ITPR2: variants seen among roughly 807,000 people sequenced by gnomAD.
The protein encoded by ITPR2 is inositol 1,4,5-trisphosphate receptor type 2.
ITPR2 carries 207 observed loss-of-function variants against 317.1 expected under a neutral mutation model. The observed-to-expected ratio is 0.65, with a 90% CI of 0.58 to 0.73. The LOEUF (loss-of-function observed/expected upper bound fraction) is 0.73, where lower values mean the gene tolerates loss of function less well. Ranked by LOEUF, ITPR2 falls within the 30% of genes least tolerant of loss-of-function variation. ITPR2 has a pLI of 0.00. For missense variants in ITPR2, 2,613 were observed against 3,284.0 expected (o/e 0.80, Z 4.99); for synonymous variants, 1,156 against 1,149.1 (o/e 1.01, Z -0.12).
intron 55 of ITPR2, among the ~76,000 whole-genome samples, chr12:26,368,818 G>C (rs1939096398): frequency 6.6e-6 from 1 of 152,170 alleles, no homozygotes; most frequent in South Asian, 2.1e-4. Flanking sequence ...CAAAGTTGTT[G>C]CCCTAATGCA....
At chr12:26,508,711 A>C (rs370027488) in intron 37 of ITPR2, among the ~76,000 whole-genome samples, 1 of 152,332 alleles carries the variant, frequency 6.6e-6, no homozygotes, top group East Asian at 1.9e-4. Context: ...GGCTAAAATA[A>C]GTGATCTGGG....
intron 26 of ITPR2, among the ~76,000 whole-genome samples, chr12:26,620,703 T>C (rs1946472307): frequency 1.3e-5 from 2 of 152,230 alleles, no homozygotes; most frequent in Admixed American, 6.5e-5. Context: ...TAGATACTTT[T>C]ATATATTATA....
chr12:26,408,052 G>A (rs185823513), intron 52 of ITPR2, among the ~76,000 whole-genome samples: 78 of 152,220 alleles, frequency 5.1e-4, no homozygotes, highest in Non-Finnish European at 9.7e-4. Flanking sequence ...AGGTCTCTCT[G>A]TCTAATCTCC....
At chr12:26,424,246 G>T (rs139879357) in intron 49 of ITPR2, among the ~76,000 whole-genome samples, 4 of 152,260 alleles carry the variant, frequency 2.6e-5, no homozygotes, top group East Asian at 1.9e-4. Flanking sequence ...GACAGATCAG[G>T]CTTTAGTATC....
chr12:26,811,395 G>A (rs1440487510), intron 1 of ITPR2, among the ~76,000 whole-genome samples: 1 of 151,822 alleles, frequency 6.6e-6, no homozygotes, highest in East Asian at 1.9e-4. Flanking sequence ...CGGATCACGA[G>A]GTCAGGAGAT....
intron 32 of ITPR2, among the ~76,000 whole-genome samples, chr12:26,586,184 G>T (rs558278860): frequency 6.6e-6 from 1 of 152,066 alleles, no homozygotes; most frequent in East Asian, 1.9e-4. Context: ...TTGCTCTGTT[G>T]CCCAGGCTGG....
chr12:26,340,136 C>T (rs961083456), intron 56 of ITPR2, 31 bp downstream of exon 56: 2 of 1,555,200 alleles, frequency 1.3e-6, no homozygotes, highest in Non-Finnish European at 1.7e-6. Context: ...GACTTTATCC[C>T]ACCCAGCCCC....
chr12:26,386,249 C>G (rs1419497712), intron 55 of ITPR2, among the ~76,000 whole-genome samples: 2 of 151,994 alleles, frequency 1.3e-5, no homozygotes, highest in Non-Finnish European at 2.9e-5. Flanking sequence ...GAGGAGGAGG[C>G]AGAAAGGCAA....
chr12:26,527,367 T>G (rs111948469), intron 37 of ITPR2, among the ~76,000 whole-genome samples: 1 of 152,210 alleles, frequency 6.6e-6, no homozygotes, highest in Non-Finnish European at 1.5e-5. Flanking sequence ...TTGATGATGA[T>G]AGAATGCCTA....
chr12:26,422,174 GT>G (rs1338790848), intron 49 of ITPR2, among the ~76,000 whole-genome samples: 1 of 148,596 alleles, frequency 6.7e-6, no homozygotes, highest in Non-Finnish European at 1.5e-5. Flanking sequence ...TAATTTATTA[GT>G]TAATAATTTA....
chr12:26,528,112 T>C (rs1943854717), intron 37 of ITPR2, among the ~76,000 whole-genome samples: 1 of 152,162 alleles, frequency 6.6e-6, no homozygotes, highest in African/African-American at 2.4e-5. Flanking sequence ...GGTTTGCCGT[T>C]AGGTTGGGGG....
At chr12:26,759,747 A>T (rs993571197) in intron 2 of ITPR2, among the ~76,000 whole-genome samples, 14 of 152,238 alleles carry the variant, frequency 9.2e-5, no homozygotes, top group Non-Finnish European at 2.1e-4. Context: ...CCTCCACATC[A>T]TCTTTTCTAA....
chr12:26,400,822 A>G (rs891348841), intron 52 of ITPR2: 7 of 152,362 alleles, frequency 4.6e-5, no homozygotes, highest in Admixed American at 2.0e-4. Context: ...CTGGCTTCCA[A>G]TTCTGCTCCG....
At chr12:26,707,180 T>G (rs1268864764) in intron 9 of ITPR2, among the ~76,000 whole-genome samples, 1 of 152,204 alleles carries the variant, frequency 6.6e-6, no homozygotes, top group Non-Finnish European at 1.5e-5. Context: ...TTGCCGTACC[T>G]GCAGCATTCT....
At chr12:26,380,771 G>A (rs893283313) in intron 55 of ITPR2, among the ~76,000 whole-genome samples, 2 of 152,154 alleles carry the variant, frequency 1.3e-5, no homozygotes, top group Non-Finnish European at 2.9e-5. Context: ...TGGCTTTCAT[G>A]AGCCCAAACA....
chr12:26,508,043 C>A (rs1387779651), intron 37 of ITPR2, among the ~76,000 whole-genome samples: 1 of 152,018 alleles, frequency 6.6e-6, no homozygotes, highest in Non-Finnish European at 1.5e-5. Flanking sequence ...GACTGGGTTG[C>A]CTTCAAAAAA....
At chr12:26,801,715 A>G (rs1181179256) in intron 1 of ITPR2, among the ~76,000 whole-genome samples, 1 of 152,184 alleles carries the variant, frequency 6.6e-6, no homozygotes, top group African/African-American at 2.4e-5. Context: ...CAATAGAGAT[A>G]ATAAACTCTG....
chr12:26,534,521 A>G (rs1186440098), intron 37 of ITPR2, among the ~76,000 whole-genome samples: 2 of 152,238 alleles, frequency 1.3e-5, no homozygotes, highest in African/African-American at 4.8e-5. Context: ...TCAATGAGTT[A>G]GTATATTTTC....
At chr12:26,620,122 G>A (rs1296002079) in intron 26 of ITPR2, among the ~76,000 whole-genome samples, 1 of 152,098 alleles carries the variant, frequency 6.6e-6, no homozygotes, top group African/African-American at 2.4e-5. Flanking sequence ...CCCTATAGCT[G>A]AAGTTCTAAA....
Sources: allele counts gnomAD v4.1 joint callset (sites outside exome capture counted in the v4.1 genomes callset), GRCh38; gene constraint gnomAD v4.1.1; transcripts MANE v1.5; gene names NCBI Gene and HGNC (gene_info 2026-07-23, HGNC 2026-07-21).